The following CLYBL variants were observed in gnomAD, a reference collection of about 807,000 sequenced individuals.
CLYBL encodes the protein citramalyl-CoA lyase.
A neutral mutation model predicts 38.9 loss-of-function variants in CLYBL; 31 were observed. That is an observed-to-expected ratio of 0.80 (90% confidence interval 0.60 to 1.08). The LOEUF (loss-of-function observed/expected upper bound fraction) is 1.08, where lower values mean the gene tolerates loss of function less well. Among genes scored for constraint, CLYBL ranks in the 50% least tolerant of loss-of-function variants. The pLI is 0.00. For synonymous variants in CLYBL, 171 were observed against 158.6 expected (o/e 1.08, Z -0.59); for missense variants, 434 against 411.6 (o/e 1.05, Z -0.47).
intron 1 of CLYBL, among the ~76,000 whole-genome samples, chr13:99,684,475 T>G (rs1184560558): frequency 6.6e-6 from 1 of 152,200 alleles, no homozygotes; most frequent in South Asian, 2.1e-4. Flanking sequence ...AAACAAAAAA[T>G]TTAAATAGAA....
intron 1 of CLYBL, among the ~76,000 whole-genome samples, chr13:99,757,404 C>T (rs6491528): frequency 0.67 from 101,267 of 152,072 alleles, 34,454 homozygotes; most frequent in East Asian, 0.9. Context: ...TGCAGCTGCC[C>T]TCCAGCTCAG....
chr13:99,706,486 T>G (rs1027188137), intron 1 of CLYBL, among the ~76,000 whole-genome samples: 3 of 152,198 alleles, frequency 2.0e-5, no homozygotes, highest in Non-Finnish European at 4.4e-5. Context: ...AAATGGCTTT[T>G]GGATTCCTCG....
At chr13:99,825,302 C>T (rs550084089) in intron 2 of CLYBL, among the ~76,000 whole-genome samples, 1 of 152,240 alleles carries the variant, frequency 6.6e-6, no homozygotes, top group South Asian at 2.1e-4. Context: ...GCCTCAGTGC[C>T]GTCCTCTGTA....
chr13:99,662,535 G>T (rs1487302004), intron 1 of CLYBL, among the ~76,000 whole-genome samples: 2 of 140,120 alleles, frequency 1.4e-5, no homozygotes, highest in African/African-American at 5.4e-5. Flanking sequence ...TTTTTGGTCA[G>T]GCAGTAATTA....
chr13:99,883,763 C>T (rs962467981), intron 7 of CLYBL, among the ~76,000 whole-genome samples: 4 of 152,288 alleles, frequency 2.6e-5, no homozygotes, highest in African/African-American at 9.6e-5. Flanking sequence ...TCCATGCACA[C>T]TTCTCTGTGT....
At chr13:99,822,514 A>G (rs2050607789) in intron 2 of CLYBL, among the ~76,000 whole-genome samples, 1 of 152,196 alleles carries the variant, frequency 6.6e-6, no homozygotes, top group Non-Finnish European at 1.5e-5. Context: ...GCTCAACAAG[A>G]TCAAGCACAA....
At chr13:99,685,512 T>A (rs1164473436) in intron 1 of CLYBL, among the ~76,000 whole-genome samples, 1 of 151,414 alleles carries the variant, frequency 6.6e-6, no homozygotes, top group East Asian at 1.9e-4. Context: ...CCACATACAA[T>A]GATTTTGGGT....
chr13:99,873,364 A>C (rs1309591700), intron 7 of CLYBL, among the ~76,000 whole-genome samples: 1 of 152,234 alleles, frequency 6.6e-6, no homozygotes, highest in African/African-American at 2.4e-5. Context: ...TATTGCTTCC[A>C]ACAAACATCT....
chr13:99,840,750 C>CAAAAAAAAAAAA (rs59274056), intron 2 of CLYBL, among the ~76,000 whole-genome samples: 1 of 16,814 alleles, frequency 5.9e-5, no homozygotes, highest in African/African-American at 2.3e-4. Flanking sequence ...ACCCTTGTCT[C>CAAAAAAAAAAAA]AAAAAAAAAA....
At chr13:99,833,030 ATTTTTTTTTTTT>A (rs869061868) in intron 2 of CLYBL, among the ~76,000 whole-genome samples, 20 of 35,864 alleles carry the variant, frequency 5.6e-4, no homozygotes, top group African/African-American at 2.0e-3. Context: ...ATATATATAT[ATTTTTTTTTTTT>A]TTTTTTTTTT....
At chr13:99,704,969 C>T (rs577678450) in intron 1 of CLYBL, among the ~76,000 whole-genome samples, 46 of 152,320 alleles carry the variant, frequency 3.0e-4, no homozygotes, top group South Asian at 2.3e-3. Context: ...GTGTCCAGCT[C>T]ACCGCAGTTA....
chr13:99,905,284 C>T (rs548187185), exon 9 of CLYBL, among the ~76,000 whole-genome samples: 1 of 152,300 alleles, frequency 6.6e-6, no homozygotes, highest in South Asian at 2.1e-4. Flanking sequence ...TGCTGAGCTG[C>T]AATGACCATT....
intron 7 of CLYBL, among the ~76,000 whole-genome samples, chr13:99,881,083 T>C (rs1168159588): frequency 6.6e-6 from 1 of 152,144 alleles, no homozygotes; most frequent in African/African-American, 2.4e-5. Context: ...CCAAACCCGA[T>C]ATTCCCACTG....
intron 1 of CLYBL, among the ~76,000 whole-genome samples, chr13:99,694,450 C>CGAAGTGA (rs1407360671): frequency 1.3e-5 from 2 of 152,168 alleles, no homozygotes; most frequent in African/African-American, 4.8e-5. Context: ...GTTTCAGCCT[C>CGAAGTGA]GAAGTGAGAG....
intron 1 of CLYBL, among the ~76,000 whole-genome samples, chr13:99,669,918 C>T (rs1431124197): frequency 1.3e-5 from 2 of 152,066 alleles, no homozygotes; most frequent in Non-Finnish European, 2.9e-5. Context: ...GCAGGCTGGG[C>T]GCCATGGCTT....
intron 2 of CLYBL, among the ~76,000 whole-genome samples, chr13:99,806,921 T>C (rs1467114385): frequency 2.6e-5 from 4 of 152,216 alleles, no homozygotes; most frequent in Non-Finnish European, 5.9e-5. Flanking sequence ...GCATTTTAAC[T>C]CCAGATGGCT....
At chr13:99,709,389 A>C (rs1312773561) in intron 1 of CLYBL, among the ~76,000 whole-genome samples, 1 of 152,192 alleles carries the variant, frequency 6.6e-6, no homozygotes, top group Non-Finnish European at 1.5e-5. Context: ...CTGGCCGAAG[A>C]CACAGCTGGC....
At chr13:99,889,704 A>C (rs1179510701) in intron 7 of CLYBL, among the ~76,000 whole-genome samples, 1 of 152,146 alleles carries the variant, frequency 6.6e-6, no homozygotes, top group Non-Finnish European at 1.5e-5. Flanking sequence ...CAATCAAAAG[A>C]TAAATCCCAA....
intron 1 of CLYBL, among the ~76,000 whole-genome samples, chr13:99,641,194 AT>A (rs2047087949): frequency 1.3e-5 from 2 of 152,196 alleles, no homozygotes; most frequent in African/African-American, 4.8e-5. Flanking sequence ...AACCTCAATG[AT>A]ATAAGTTTTT....
Sources: gnomAD v4.1 joint callset for allele counts (sites outside exome capture counted in the v4.1 genomes callset) on GRCh38, gnomAD v4.1.1 for gene constraint, MANE v1.5 for transcripts, NCBI Gene and HGNC (gene_info 2026-07-23, HGNC 2026-07-21) for gene names.